GOLGA8B: variants seen among roughly 807,000 people sequenced by gnomAD.
The protein encoded by GOLGA8B is golgin A8 family member B.
In GOLGA8B, 1 loss-of-function variant was observed where a neutral mutation model predicts 15.6. The observed-to-expected ratio is 0.06, with a 90% CI of 0.02 to 0.30. GOLGA8B has a LOEUF of 0.30. Ranked by LOEUF, GOLGA8B falls within the 10% of genes least tolerant of loss-of-function variation. The pLI, the probability that GOLGA8B is intolerant of heterozygous loss-of-function variation, is 1.00. For missense variants in GOLGA8B, 17 were observed against 201.3 expected (o/e 0.08, Z 5.54); for synonymous variants, 9 against 80.3 (o/e 0.11, Z 4.75).
chr15:34,575,032 C>G (rs1193055439), intron 1 of GOLGA8B: 1 of 151,760 alleles, frequency 6.6e-6, no homozygotes, highest in African/African-American at 2.4e-5. Flanking sequence ...CAGCCCATCA[C>G]CCTGCAGCGC....
chr15:34,565,046 A>G (rs1045073983), intron 1 of GOLGA8B, among the ~76,000 whole-genome samples: 1 of 143,350 alleles, frequency 7.0e-6, no homozygotes, highest in African/African-American at 2.5e-5. Context: ...GGCTACGGAG[A>G]AGGTGGTTGA....
At chr15:34,559,955 G>A (rs1236318838) in intron 1 of GOLGA8B, among the ~76,000 whole-genome samples, 2 of 149,852 alleles carry the variant, frequency 1.3e-5, no homozygotes, top group Admixed American at 6.7e-5. Context: ...TGGTCGTGGG[G>A]CGGTGCGTGG....
chr15:34,564,711 G>C (rs1350480722), intron 1 of GOLGA8B, among the ~76,000 whole-genome samples: 6 of 144,202 alleles, frequency 4.2e-5, no homozygotes. Flanking sequence ...CAAGCGTGTA[G>C]GGAGAGATGA....
chr15:34,583,129 C>A (rs1185661593), intron 1 of GOLGA8B, among the ~76,000 whole-genome samples: 1 of 152,066 alleles, frequency 6.6e-6, no homozygotes, highest in South Asian at 2.1e-4. Flanking sequence ...TCAAGCGGGG[C>A]AGCGGAACGC....
At position 34,526,217 on chromosome 15, in the gene GOLGA8B, A is replaced by G. The variant is rs376278682; in HGVS notation, c.*1415T>C. Reference sequence around the variant, plus strand: ...ACATGTTTCCTGATAATACATTGACATTCACAAACAGTAGATTGCAGCACA... The same window carrying G: ...ACATGTTTCCTGATAATACATTGACGTTCACAAACAGTAGATTGCAGCACA... On this transcript the variant is annotated 3_prime_UTR_variant, in exon 24 of 24. Transcript: ENST00000683415. The G allele has an allele frequency of 2.7e-5, 4 of 150,298 alleles. No homozygotes were observed. In the East Asian group the frequency reaches 7.8e-4, roughly 29 times the overall value. 9.3% of individuals were successfully genotyped at this position (150,298 alleles called of 1,614,324 possible). A position where few individuals can be genotyped will look rare whatever the true frequency, so the allele number is the denominator to read the frequency against.
Position 34,526,294 on chromosome 15 carries a change from T to C in GOLGA8B, c.*1338A>G, listed in dbSNP as rs1043318076. 2.0e-5 allele frequency: 3 copies of C among 149,796 alleles called. 1 individual carries two copies. The highest frequency in any genetic ancestry group is 4.5e-5 in the Non-Finnish European group (3 of 67,258). 9.3% of individuals were successfully genotyped at this position (149,796 alleles called of 1,614,324 possible). A position where few individuals can be genotyped will look rare whatever the true frequency, so the allele number is the denominator to read the frequency against. ...ACTTCTCCTTGATTTTCAAAGATAA[T>C]ATAATACTGTCTACTAAAATTCCTT... On this transcript the variant is annotated 3_prime_UTR_variant, in exon 24 of 24. Transcript: ENST00000683415.
rs1894433725 is a variant in GOLGA8B, at chr15:34,526,044, T to C, written c.*1588A>G. ...ATCAAGTTATGATTTAGGCAATGTA[T>C]GATTGAAATGCATTCACTCATCACG... On this transcript the variant is annotated 3_prime_UTR_variant, in exon 24 of 24. Transcript: ENST00000683415. 6.7e-6 allele frequency: 1 copy of C among 149,690 alleles called. No individual in the cohort carries two copies. Among genetic ancestry groups the C allele is most frequent in the South Asian group, 2.1e-4 (1 of 4,660 alleles). 9.3% of individuals were successfully genotyped at this position (149,690 alleles called of 1,614,324 possible).
intron 1 of GOLGA8B, among the ~76,000 whole-genome samples, chr15:34,559,191 T>G (rs1196068516): frequency 2.7e-5 from 4 of 146,782 alleles, no homozygotes; most frequent in Admixed American, 7.0e-5. Flanking sequence ...ATTCCACTTC[T>G]CTGAGGCACC....
intron 1 of GOLGA8B, among the ~76,000 whole-genome samples, chr15:34,583,057 C>G (rs568546472): frequency 6.6e-6 from 1 of 152,292 alleles, no homozygotes; most frequent in South Asian, 2.1e-4. Context: ...CCCGGGGAAG[C>G]GAACCCAGAG....
At chr15:34,577,601 A>G (rs1889118704) in intron 1 of GOLGA8B, among the ~76,000 whole-genome samples, 1 of 151,462 alleles carries the variant, frequency 6.6e-6, no homozygotes, top group South Asian at 2.1e-4. Context: ...TGAGAAATTT[A>G]TCATTAGGCA....
chr15:34,564,258 A>G lies in GOLGA8B; in HGVS notation c.-1122-10302T>C, dbSNP rs1409188968. Among the ~76,000 whole-genome samples, 53 of 139,690 alleles carry G rather than the reference A, an allele frequency of 3.8e-4. 2 individuals are homozygous for G. The highest frequency in any genetic ancestry group is 1.4e-4 in the Non-Finnish European group (9 of 63,890). 91.6% of individuals were successfully genotyped at this position (139,690 alleles called of 152,430 possible). ...AAACCCTGGTTTAAATAAATGTCCAATTTGGAGAGTGAGTCTTTGACTGCC... is the reference window on the plus strand; with the variant it reads ...AAACCCTGGTTTAAATAAATGTCCAGTTTGGAGAGTGAGTCTTTGACTGCC... On this transcript the variant is annotated intron_variant, in intron 1 of 23. Coordinates refer to ENST00000683415, the MANE Select transcript of GOLGA8B (RefSeq NM_001023567.5).
intron 1 of GOLGA8B, chr15:34,566,585 G>A (rs1253700095): frequency 7.0e-6 from 1 of 143,756 alleles, no homozygotes; most frequent in African/African-American, 2.5e-5. Flanking sequence ...GCAGCAGGCA[G>A]GGAAGATGGC....
intron 1 of GOLGA8B, among the ~76,000 whole-genome samples, chr15:34,572,806 G>A (rs1379799533): frequency 6.6e-6 from 1 of 152,190 alleles, no homozygotes; most frequent in Non-Finnish European, 1.5e-5. Flanking sequence ...AGGATCTCAA[G>A]ATCTGTGTTA....
At chr15:34,571,047 C>T (rs1425297383) in intron 1 of GOLGA8B, among the ~76,000 whole-genome samples, 3 of 145,860 alleles carry the variant, frequency 2.1e-5, no homozygotes, top group South Asian at 2.3e-4. Flanking sequence ...ATCTAGCGGC[C>T]GGGTAGGGTG....
intron 1 of GOLGA8B, among the ~76,000 whole-genome samples, chr15:34,569,372 C>T (rs1176443903): frequency 6.6e-5 from 10 of 151,944 alleles, no homozygotes; most frequent in African/African-American, 2.2e-4. Context: ...TCCCCTCCAT[C>T]ACACTTCGGA....
intron 1 of GOLGA8B, among the ~76,000 whole-genome samples, chr15:34,582,196 C>T (rs887905758): frequency 1.3e-5 from 2 of 152,154 alleles, no homozygotes; most frequent in Non-Finnish European, 2.9e-5. Flanking sequence ...GTAGTGGCCA[C>T]ACCTCTGGGA....
At chr15:34,581,596 G>C (rs1889237014) in intron 1 of GOLGA8B, 1 of 151,344 alleles carries the variant, frequency 6.6e-6, no homozygotes, top group Non-Finnish European at 1.5e-5. Flanking sequence ...TTAAAGGTTA[G>C]AGCTACTTAA....
In GOLGA8B at chr15:34,569,261, C is replaced by T. The variant is rs539262840; in HGVS notation, c.-1123+14255G>A. On this transcript the variant is annotated intron_variant, in intron 1 of 23. Coordinates refer to ENST00000683415, the MANE Select transcript of GOLGA8B (RefSeq NM_001023567.5). ...AGCCAGAAATGGGGCATTTGGGGAC[C>T]GCAACAGAGAATGGATGCCTAGCAG... is the stretch of plus-strand genomic sequence containing the variant. Among the ~76,000 whole-genome samples, 566 of 142,922 alleles carry T rather than the reference C, an allele frequency of 4.0e-3. 1 individual carries two copies. Among genetic ancestry groups the T allele is most frequent in the African/African-American group, 0.014 (539 of 39,520 alleles). The allele number at this position is 142,922 out of a possible 152,430, so 93.8% of individuals were successfully genotyped here.
chr15:34,525,478 C>T lies in GOLGA8B; in HGVS notation c.*2154G>A, dbSNP rs1433016577. On this transcript the variant is annotated 3_prime_UTR_variant, in exon 24 of 24. Transcript: ENST00000683415. Reference sequence around the variant, plus strand: ...ATTGGCATTTCTTTCTCTACTTTTCCTTCCCACCATTTCTTTCTTTTAAAC... The same window carrying T: ...ATTGGCATTTCTTTCTCTACTTTTCTTTCCCACCATTTCTTTCTTTTAAAC... 6.7e-6 allele frequency: 1 copy of T among 149,890 alleles called. No homozygotes were observed. Among genetic ancestry groups the T allele is most frequent in the Non-Finnish European group, 1.5e-5 (1 of 67,274 alleles). The allele number at this position is 149,890 out of a possible 1,614,324, so 9.3% of individuals were successfully genotyped here. A position where few individuals can be genotyped will look rare whatever the true frequency, so the allele number is the denominator to read the frequency against.
Sources: allele counts gnomAD v4.1 joint callset (sites outside exome capture counted in the v4.1 genomes callset), GRCh38; gene constraint gnomAD v4.1.1; transcripts MANE v1.5; gene names NCBI Gene and HGNC (gene_info 2026-07-23, HGNC 2026-07-21).